The following RGS5 variants were observed in gnomAD, a reference collection of about 807,000 sequenced individuals.
RGS5 encodes regulator of G-protein signalling 5.
A neutral mutation model predicts 18.9 loss-of-function variants in RGS5; 20 were observed. The observed-to-expected ratio is 1.06, with a 90% CI of 0.74 to 1.54. The LOEUF is 1.54. RGS5 is among the 40% of genes most tolerant of loss of function. The pLI is 0.00. For missense variants in RGS5, 201 were observed against 211.8 expected (o/e 0.95, Z 0.32); for synonymous variants, 57 against 76.2 (o/e 0.75, Z 1.31).
chr1:163,280,314 G>A (rs1334283000), intron 2 of RGS5, among the ~76,000 whole-genome samples: 2 of 151,916 alleles, frequency 1.3e-5, no homozygotes, highest in African/African-American at 4.8e-5. Context: ...ATACATCAGG[G>A]CCAAGTGGAA....
At chr1:163,189,037 G>A (rs1268218340) in intron 1 of RGS5, among the ~76,000 whole-genome samples, 4 of 150,352 alleles carry the variant, frequency 2.7e-5, no homozygotes, top group Non-Finnish European at 4.4e-5. Flanking sequence ...CCACATAAAT[G>A]CCATGTAGAA....
At chr1:163,304,387 C>G (rs142644972) in intron 2 of RGS5, 2 of 152,328 alleles carry the variant, frequency 1.3e-5, no homozygotes, top group Admixed American at 1.3e-4. Context: ...CTGCTCTTAT[C>G]TGCTCACCAG....
chr1:163,178,865 A>C (rs1410028637), intron 1 of RGS5, among the ~76,000 whole-genome samples: 3 of 152,216 alleles, frequency 2.0e-5, no homozygotes, highest in Non-Finnish European at 4.4e-5. Flanking sequence ...ACTAGCAACC[A>C]GCTGTTTTGG....
chr1:163,248,472 TG>T (rs1648003402), intron 2 of RGS5: 1 of 152,162 alleles, frequency 6.6e-6, no homozygotes, highest in African/African-American at 2.4e-5. Context: ...TTGTTTAAAA[TG>T]AACTATCCTT....
intron 2 of RGS5, among the ~76,000 whole-genome samples, chr1:163,293,595 T>C (rs1025006278): frequency 6.6e-6 from 1 of 152,114 alleles, no homozygotes; most frequent in East Asian, 1.9e-4. Context: ...CCCTGGCCCC[T>C]CCCAAATCTC....
intron 2 of RGS5, among the ~76,000 whole-genome samples, chr1:163,162,520 T>C (rs1020336491): frequency 6.8e-6 from 1 of 147,218 alleles, no homozygotes; most frequent in African/African-American, 2.7e-5. Context: ...CAAATTTACA[T>C]GTTAAAAACG....
chr1:163,148,759 C>A (rs1657258027), intron 4 of RGS5, among the ~76,000 whole-genome samples: 1 of 152,110 alleles, frequency 6.6e-6, no homozygotes, highest in African/African-American at 2.4e-5. Context: ...CAAGGTACAG[C>A]CTATTTGAAC....
chr1:163,314,563 C>A (rs368488529), intron 1 of RGS5, among the ~76,000 whole-genome samples: 3,580 of 151,620 alleles, frequency 0.024, 134 homozygotes, highest in African/African-American at 0.076. Flanking sequence ...ACAACAACAA[C>A]AAAAAAAACC....
intron 4 of RGS5, among the ~76,000 whole-genome samples, chr1:163,150,291 T>A (rs1657322697): frequency 6.6e-6 from 1 of 152,182 alleles, no homozygotes; most frequent in Non-Finnish European, 1.5e-5. Context: ...TAAAATTATA[T>A]TTTAGGTTAA....
At chr1:163,263,668 G>T (rs971427139) in intron 2 of RGS5, among the ~76,000 whole-genome samples, 1 of 151,950 alleles carries the variant, frequency 6.6e-6, no homozygotes, top group African/African-American at 2.4e-5. Context: ...ACAGAAGAAA[G>T]AAATTACCAT....
At chr1:163,257,728 T>C (rs1648317283) in intron 2 of RGS5, among the ~76,000 whole-genome samples, 1 of 152,204 alleles carries the variant, frequency 6.6e-6, no homozygotes, top group Non-Finnish European at 1.5e-5. Flanking sequence ...ACTGGAATAT[T>C]GTAACACAGC....
intron 3 of RGS5, among the ~76,000 whole-genome samples, chr1:163,155,805 G>C (rs1407725761): frequency 6.6e-6 from 1 of 152,096 alleles, no homozygotes; most frequent in Non-Finnish European, 1.5e-5. Context: ...CCTGCACAGA[G>C]CGTCGGAGTA....
chr1:163,246,051 T>TA (rs1186081131), intron 2 of RGS5, among the ~76,000 whole-genome samples: 3 of 149,190 alleles, frequency 2.0e-5, no homozygotes, highest in African/African-American at 7.4e-5. Flanking sequence ...CCGTCTCTAC[T>TA]AAAAAAATAC....
chr1:163,302,888 C>T (rs1649588126), intron 2 of RGS5, among the ~76,000 whole-genome samples: 1 of 152,148 alleles, frequency 6.6e-6, no homozygotes. Flanking sequence ...TCCTGCAAAC[C>T]TTTATAGCAC....
chr1:163,246,308 C>T (rs1433269953), intron 2 of RGS5, among the ~76,000 whole-genome samples: 3 of 151,476 alleles, frequency 2.0e-5, no homozygotes, highest in Non-Finnish European at 4.4e-5. Flanking sequence ...TGGTGCCTCA[C>T]GCCTGTAATC....
At chr1:163,268,001 T>A (rs2101709922) in intron 2 of RGS5, among the ~76,000 whole-genome samples, 1 of 152,214 alleles carries the variant, frequency 6.6e-6, no homozygotes, top group African/African-American at 2.4e-5. Context: ...CCCAACTGGT[T>A]TGCATTCTTT....
At chr1:163,196,160 T>C (rs1659557498) in intron 1 of RGS5, among the ~76,000 whole-genome samples, 1 of 151,890 alleles carries the variant, frequency 6.6e-6, no homozygotes, top group Non-Finnish European at 1.5e-5. Flanking sequence ...TGACTCAGCC[T>C]TCAAAGTAGT....
chr1:163,294,705 T>C (rs1649380851), intron 2 of RGS5, among the ~76,000 whole-genome samples: 1 of 152,230 alleles, frequency 6.6e-6, no homozygotes, highest in Non-Finnish European at 1.5e-5. Context: ...TATTGCATGG[T>C]CAGGCTGCAA....
chr1:163,314,728 A>G (rs1473983192), intron 1 of RGS5, among the ~76,000 whole-genome samples: 1 of 152,170 alleles, frequency 6.6e-6, no homozygotes, highest in Non-Finnish European at 1.5e-5. Flanking sequence ...GGGGCCTCTG[A>G]GAAATGATTA....
Sources: gnomAD v4.1 joint callset for allele counts (sites outside exome capture counted in the v4.1 genomes callset) on GRCh38, gnomAD v4.1.1 for gene constraint, MANE v1.5 for transcripts, NCBI Gene and HGNC (gene_info 2026-07-23, HGNC 2026-07-21) for gene names.